The following PCDHGC3 variants were observed in gnomAD, a reference collection of about 807,000 sequenced individuals.
PCDHGC3 encodes protocadherin gamma subfamily C, 3, also known as protocadherin gamma-C3.
In PCDHGC3, 26 loss-of-function variants were observed where a neutral mutation model predicts 59.2. The ratio of observed to expected loss-of-function variants is 0.44; its 90% CI spans 0.32 to 0.61. The LOEUF (loss-of-function observed/expected upper bound fraction) is 0.61. PCDHGC3 is among the 20% of genes least tolerant of loss of function. The pLI, the probability that PCDHGC3 is intolerant of heterozygous loss-of-function variation, is 0.05. For synonymous variants in PCDHGC3, 487 were observed against 519.7 expected, an observed-to-expected ratio of 0.94 and a Z score of 0.86; for missense variants, 1,080 against 1,221.8, an observed-to-expected ratio of 0.88 and a Z score of 1.73.
Position 141,490,826 on chromosome 5 carries a change from T to A in PCDHGC3, c.2431-3981T>A, listed in dbSNP as rs1195265146. ...ACCTTTGACTATGAATTGCTGCAGA[T>A]GCTGCAGATTGTGGTGGGGGTTCGA... On this transcript the variant is annotated intron_variant, in intron 1 of 3. Coordinates refer to ENST00000308177, the MANE Select transcript of PCDHGC3 (RefSeq NM_002588.4). The surrounding 1 kb of genome is among the most constrained non-coding windows in gnomAD (Gnocchi z 5.4). 6.2e-7 allele frequency: 1 copy of A among 1,613,736 alleles called. No homozygotes were observed. The highest frequency in any genetic ancestry group is 8.5e-7 in the Non-Finnish European group (1 of 1,179,796).
chr5:141,487,880 G>T lies in PCDHGC3; in HGVS notation c.2431-6927G>T, dbSNP rs1008153773. ...ATTGGTGATCAAGAGCCAGGCTGTTGTGGAAGCATGATGATGGAATGTGGG... is the reference window on the plus strand; with the variant it reads ...ATTGGTGATCAAGAGCCAGGCTGTTTTGGAAGCATGATGATGGAATGTGGG... On this transcript the variant is annotated intron_variant, in intron 1 of 3. Transcript: ENST00000308177. The surrounding 1 kb of genome is among the most constrained non-coding windows in gnomAD (Gnocchi z 5.0). The T allele has an allele frequency of 3.8e-6, 3 of 784,896 alleles. No individual in the cohort carries two copies. Among genetic ancestry groups the T allele is most frequent in the Non-Finnish European group, 6.0e-6 (3 of 497,074 alleles). 48.6% of individuals were successfully genotyped at this position (784,896 alleles called of 1,614,324 possible).
At position 141,485,727 on chromosome 5, in the gene PCDHGC3, G is replaced by T. The variant is rs773176318; in HGVS notation, c.2430+7181G>T. The T allele has an allele frequency of 3.1e-6, 5 of 1,614,196 alleles. No homozygotes were observed. In the Admixed American group the frequency reaches 5.0e-5, roughly 16 times the overall value. Reference sequence around the variant, plus strand: ...CACTTTGCACTGGATGTGAAGAAGCGCAGCGACGGCAGCCTGGTCCCAGAG... The same window carrying T: ...CACTTTGCACTGGATGTGAAGAAGCTCAGCGACGGCAGCCTGGTCCCAGAG... On this transcript the variant is annotated intron_variant, in intron 1 of 3. Transcript: ENST00000308177. The surrounding 1 kb of genome is among the most constrained non-coding windows in gnomAD (Gnocchi z 5.7).
chr5:141,478,354 C>G lies in PCDHGC3; in HGVS notation c.2238C>G (p.Ala746=), dbSNP rs141625672. The change falls in exon 1 of 4, where the codon GCC becomes GCG. Residue 746 remains alanine, a synonymous_variant. Coordinates refer to ENST00000308177, the MANE Select transcript of PCDHGC3 (RefSeq NM_002588.4). ...RTPGPSLHAD[A]VRGGLMSPHL... The stretch of plus-strand genomic sequence containing the variant: ...CAGGGCCCTCCTTGCACGCGGACGC[C>G]GTGCGGGGAGGCCTGATGTCGCCGC... The G allele has an allele frequency of 2.8e-5, 45 of 1,613,660 alleles. No individual in the cohort carries two copies. The highest frequency in any genetic ancestry group is 3.2e-5 in the Non-Finnish European group (38 of 1,180,020).
rs1404533394 is a variant in PCDHGC3, at chr5:141,491,708, G to T, written c.2431-3099G>T. ...CTGCGGGAGCGGAGCCAGGTGAGGG[G>T]CTCGGCGCCGCCCCGGGCGACCCCT... On this transcript the variant is annotated intron_variant, in intron 1 of 3. Transcript: ENST00000308177. The surrounding 1 kb of genome is among the most constrained non-coding windows in gnomAD (Gnocchi z 6.9). 1 of 1,610,132 alleles carries T rather than the reference G, an allele frequency of 6.2e-7. No individual in the cohort carries two copies. Among genetic ancestry groups the T allele is most frequent in the Admixed American group, 1.7e-5 (1 of 59,518 alleles).
chr5:141,477,351 G>A lies in PCDHGC3; in HGVS notation c.1235G>A (p.Ser412Asn). 6.2e-7 allele frequency: 1 copy of A among 1,614,126 alleles called. No homozygotes were observed. The highest frequency in any genetic ancestry group is 8.5e-7 in the Non-Finnish European group (1 of 1,180,018). Residue 412 changes from serine to asparagine, a missense_variant, in exon 1 of 4, where the codon AGT (serine) becomes AAT (asparagine). By Grantham distance (46) the Ser-to-Asn change is conservative. Transcript: ENST00000308177. This position sits in a 1 kb window ranked among gnomAD's most constrained non-coding sequence, Gnocchi z 4.9. ...AAGAATTACTTCACTTTGAAAACCA[G>A]TGCAGACCTGGATCGGGAGACTGTG... The part of the protein sequence containing the change: ...SLKNYFTLKT[S>N]ADLDRETVPE...
chr5:141,481,619 A>T (rs1303171847), intron 1 of PCDHGC3, among the ~76,000 whole-genome samples: 1 of 152,128 alleles, frequency 6.6e-6, no homozygotes, highest in Non-Finnish European at 1.5e-5. Flanking sequence ...GGAGTTCAAG[A>T]CCGGCCTGGC....
Position 141,476,267 on chromosome 5 carries a change from G to A in PCDHGC3, c.151G>A (p.Val51Ile), listed in dbSNP as rs373758158. The A allele has an allele frequency of 6.8e-6, 11 of 1,613,938 alleles. No homozygotes were observed. Among genetic ancestry groups the A allele is most frequent in the African/African-American group, 1.3e-5 (1 of 74,884 alleles). The change falls in exon 1 of 4, where the codon GTC (valine) becomes ATC (isoleucine). Residue 51 changes from valine (V) to isoleucine (I), a missense_variant. By Grantham distance (29) the Val-to-Ile change is conservative. Transcript: ENST00000308177. The surrounding 1 kb of genome is among the most constrained non-coding windows in gnomAD (Gnocchi z 7.6). ...GAAGGGTTTCGCTGTGGGCAACGTG[G>A]TCGCGAACCTTGGTTTGGATCTCGG... ...REKGFAVGNV[V>I]ANLGLDLGSL...
chr5:141,477,013 T>C lies in PCDHGC3; in HGVS notation c.897T>C (p.Leu299=). The part of the protein sequence containing the change: ...AGVRQLFALD[L]VTGMLTIKGR... ...TGCGGCAACTATTCGCCTTAGACCT[T>C]GTAACCGGGATGCTGACAATCAAGG... Residue 299 remains leucine, a synonymous_variant, in exon 1 of 4, where the codon CTT becomes CTC. Coordinates refer to ENST00000308177, the MANE Select transcript of PCDHGC3 (RefSeq NM_002588.4). The surrounding 1 kb of genome is among the most constrained non-coding windows in gnomAD (Gnocchi z 4.9). 6.2e-7 allele frequency: 1 copy of C among 1,614,204 alleles called. No homozygotes were observed. The highest frequency in any genetic ancestry group is 8.5e-7 in the Non-Finnish European group (1 of 1,180,028).
In PCDHGC3 at chr5:141,511,330, T is replaced by C; in HGVS notation, c.*157T>C. 1 of 1,455,994 alleles carries C rather than the reference T, an allele frequency of 6.9e-7. No homozygotes were observed. The highest frequency in any genetic ancestry group is 9.1e-7 in the Non-Finnish European group (1 of 1,093,254). 90.2% of individuals were successfully genotyped at this position (1,455,994 alleles called of 1,614,324 possible). ...TTGGGAAACAGAAACAAGTGCCCAG[T>C]CAGCACCTACCCCTTCCCCCCCAGG... On this transcript the variant is annotated 3_prime_UTR_variant, in exon 4 of 4. Coordinates refer to ENST00000308177, the MANE Select transcript of PCDHGC3 (RefSeq NM_002588.4).
intron 1 of PCDHGC3, among the ~76,000 whole-genome samples, chr5:141,479,992 G>A (rs1336315766): frequency 6.6e-6 from 1 of 152,204 alleles, no homozygotes; most frequent in Non-Finnish European, 1.5e-5. Context: ...CCAACTAGGA[G>A]TCTGTGGCCA....
chr5:141,505,633 A>C, intron 3 of PCDHGC3, 152 bp downstream of exon 3: 3 of 1,471,286 alleles, frequency 2.0e-6, no homozygotes, highest in South Asian at 1.3e-5. Context: ...TCCAAACATA[A>C]AGCCTGGAAT....
chr5:141,479,733 A>G (rs2099504879), intron 1 of PCDHGC3: 1 of 152,254 alleles, frequency 6.6e-6, no homozygotes, highest in Admixed American at 6.5e-5. Context: ...TTTCTTAAGT[A>G]TATGCACAAT....
Position 141,485,330 on chromosome 5 carries a change from C to T in PCDHGC3, c.2430+6784C>T. On this transcript the variant is annotated intron_variant, in intron 1 of 3. Transcript: ENST00000308177. This position sits in a 1 kb window ranked among gnomAD's most constrained non-coding sequence, Gnocchi z 5.7. ...TGTAGGGAATGTCGCTCAAGATTTC[C>T]TGCTGGATACGGACAGTCTGTCAGC... 6.2e-7 allele frequency: 1 copy of T among 1,614,164 alleles called. No individual in the cohort carries two copies. Among genetic ancestry groups the T allele is most frequent in the East Asian group, 2.2e-5 (1 of 44,862 alleles).
rs1460175237 is a variant in PCDHGC3, at chr5:141,485,185, G to A, written c.2430+6639G>A. ...AGCGGGCGGCAGCAATGCTCCGCAAGGTGAGAAGCTGGACAGAAATCTGGC... is the reference window on the plus strand; with the variant it reads ...AGCGGGCGGCAGCAATGCTCCGCAAAGTGAGAAGCTGGACAGAAATCTGGC... On this transcript the variant is annotated intron_variant, in intron 1 of 3. Transcript: ENST00000308177. This position sits in a 1 kb window ranked among gnomAD's most constrained non-coding sequence, Gnocchi z 5.7. 3.1e-6 allele frequency: 5 copies of A among 1,613,528 alleles called. No individual in the cohort carries two copies. Among genetic ancestry groups the A allele is most frequent in the African/African-American group, 2.7e-5 (2 of 75,052 alleles).
chr5:141,477,157 C>G lies in PCDHGC3; in HGVS notation c.1041C>G (p.Asp347Glu). ...KVLVEVVDVN[D>E]NAPEITVTSV... ...TGGTGGAGGTTGTGGATGTGAATGA[C>G]AACGCCCCGGAGATCACAGTCACCT... is the stretch of plus-strand genomic sequence containing the variant. The change falls in exon 1 of 4, where the codon GAC (aspartate) becomes GAG (glutamate). Residue 347 changes from aspartate (D) to glutamate (E), a missense_variant. Transcript: ENST00000308177. This position sits in a 1 kb window ranked among gnomAD's most constrained non-coding sequence, Gnocchi z 4.9. 1 of 1,614,182 alleles carries G rather than the reference C, an allele frequency of 6.2e-7. No individual in the cohort carries two copies. Among genetic ancestry groups the G allele is most frequent in the Non-Finnish European group, 8.5e-7 (1 of 1,180,038 alleles).
chr5:141,485,867 G>A lies in PCDHGC3; in HGVS notation c.2430+7321G>A. On this transcript the variant is annotated intron_variant, in intron 1 of 3. Coordinates refer to ENST00000308177, the MANE Select transcript of PCDHGC3 (RefSeq NM_002588.4). The surrounding 1 kb of genome is among the most constrained non-coding windows in gnomAD (Gnocchi z 5.7). ...TGGCACCGCAGAGCTCCGGGTATCC[G>A]TGCTGGACGTAAACGACAACGCCCC... The A allele has an allele frequency of 1.9e-6, 3 of 1,614,164 alleles. No homozygotes were observed. Among genetic ancestry groups the A allele is most frequent in the Non-Finnish European group, 8.5e-7 (1 of 1,180,040 alleles).
Position 141,511,035 on chromosome 5 carries a change from C to A in PCDHGC3, c.2667C>A (p.His889Gln). Residue 889 changes from histidine to glutamine, a missense_variant, in exon 4 of 4, where the codon CAC becomes CAA. Physicochemically the swap from His to Gln is conservative, Grantham distance 24 (BLOSUM62 0). Transcript: ENST00000308177. The stretch of plus-strand genomic sequence containing the variant: ...ACGGACCCCAGTTCACCCTGCAGCA[C>A]GTGCCCGACTACCGCCAGAATGTCT... ...ARYGPQFTLQ[H>Q]VPDYRQNVYI... 2 of 1,614,208 alleles carry A rather than the reference C, an allele frequency of 1.2e-6. No individual in the cohort carries two copies. The highest frequency in any genetic ancestry group is 1.1e-5 in the South Asian group (1 of 91,088).
Position 141,511,403 on chromosome 5 carries a change from AC to A in PCDHGC3, c.*231del. ...TCCGCTGGGAACCCCCATCCAATCA[AC>A]TGCTGTACCCATGGGGGTAGTGGGG... is the stretch of plus-strand genomic sequence containing the variant. On this transcript the variant is annotated 3_prime_UTR_variant, in exon 4 of 4. Coordinates refer to ENST00000308177, the MANE Select transcript of PCDHGC3 (RefSeq NM_002588.4). 1.1e-6 allele frequency: 1 copy of A among 939,022 alleles called. No homozygotes were observed. The highest frequency in any genetic ancestry group is 1.5e-6 in the Non-Finnish European group (1 of 650,838). The allele number at this position is 939,022 out of a possible 1,614,324, so 58.2% of individuals were successfully genotyped here. A position where few individuals can be genotyped will look rare whatever the true frequency, so the allele number is the denominator to read the frequency against.
rs756243026 is a variant in PCDHGC3, at chr5:141,487,478, T to C, written c.2431-7329T>C. On this transcript the variant is annotated intron_variant, in intron 1 of 3. Transcript: ENST00000308177. This position sits in a 1 kb window ranked among gnomAD's most constrained non-coding sequence, Gnocchi z 5.0. ...CAAGTTTGTTGATGTGGGAGGCCAC[T>C]CTCATGGCTGTACACCCTTGGCTTC... is the stretch of plus-strand genomic sequence containing the variant. 6 of 1,614,078 alleles carry C rather than the reference T, an allele frequency of 3.7e-6. No individual in the cohort carries two copies. In the Admixed American group the frequency reaches 1.0e-4, roughly 27 times the overall value.
Sources: allele counts gnomAD v4.1 joint callset (sites outside exome capture counted in the v4.1 genomes callset), GRCh38; gene constraint gnomAD v4.1.1; non-coding constraint Gnocchi (gnomAD v3.1); transcripts MANE v1.5; gene names NCBI Gene and HGNC (gene_info 2026-07-23, HGNC 2026-07-21).